Variants in FUT6 observed in about 807,000 individuals in gnomAD.
The protein encoded by FUT6 is 4-galactosyl-N-acetylglucosaminide 3-alpha-L-fucosyltransferase FUT6.
For synonymous variants in FUT6, 187 were observed against 209.9 expected (o/e 0.89, Z 0.94); for missense variants, 454 against 494.6 (o/e 0.92, Z 0.78).
At chr19:5,833,144 G>A (rs946658406) in intron 2 of FUT6, among the ~76,000 whole-genome samples, 3 of 152,192 alleles carry the variant, frequency 2.0e-5, no homozygotes, top group Non-Finnish European at 2.9e-5. Context: ...AAGTACTCAG[G>A]GCTGCCAGTG....
At chr19:5,833,224 C>T (rs536149354) in intron 2 of FUT6, among the ~76,000 whole-genome samples, 9 of 152,292 alleles carry the variant, frequency 5.9e-5, no homozygotes, top group East Asian at 1.9e-4. Flanking sequence ...CAGCCATGCG[C>T]GGTGGTTCAT....
intron 1 of FUT6, among the ~76,000 whole-genome samples, chr19:5,836,172 CT>C (rs1409893648): frequency 6.6e-6 from 1 of 151,624 alleles, no homozygotes; most frequent in East Asian, 1.9e-4. Context: ...GAGATTACAT[CT>C]GTGAGCCACT....
rs1357094733 is a variant in FUT6, at chr19:5,834,985, C to A, written c.-48G>T. ...TCCCTGGACACTGCTGCGTCTGACA[C>A]CTTCTGGGAGATGCTAGAGGGACTC... On this transcript the variant is annotated 5_prime_UTR_variant, in exon 2 of 3. Coordinates refer to ENST00000318336, the MANE Select transcript of FUT6 (RefSeq NM_000150.4). The A allele has an allele frequency of 6.6e-6, 1 of 152,234 alleles. No homozygotes were observed. Among genetic ancestry groups the A allele is most frequent in the African/African-American group, 2.4e-5 (1 of 41,414 alleles). The allele number at this position is 152,234 out of a possible 1,614,324, so 9.4% of individuals were successfully genotyped here.
chr19:5,832,613 G>A lies in FUT6; in HGVS notation c.-12-34C>T, dbSNP rs1170351398. The A allele has an allele frequency of 2.7e-6, 4 of 1,475,286 alleles. No individual in the cohort carries two copies. The highest frequency in any genetic ancestry group is 3.8e-6 in the Non-Finnish European group (4 of 1,054,712). 91.4% of individuals were successfully genotyped at this position (1,475,286 alleles called of 1,614,324 possible). On this transcript the variant is annotated intron_variant, in intron 2 of 2. Coordinates refer to ENST00000318336, the MANE Select transcript of FUT6 (RefSeq NM_000150.4). The surrounding 1 kb of genome is among the most constrained non-coding windows in gnomAD (Gnocchi z 4.3). ...TGGGGAGAGAGGAGTGAGGGTCATT[G>A]ATGACAATCTCCTGCTTACCAAAGC... is the stretch of plus-strand genomic sequence containing the variant.
chr19:5,832,121 G>A lies in FUT6; in HGVS notation c.447C>T (p.Asp149=), dbSNP rs750684382. 8.1e-6 allele frequency: 13 copies of A among 1,613,836 alleles called. No homozygotes were observed. The highest frequency in any genetic ancestry group is 4.0e-5 in the African/African-American group (3 of 74,938). ...PSHCWQLKAM[D]GYFNLTMSYR... ...AGGACATGGTGAGATTGAAGTATCCGTCCATGGCTTTCAGCTGCCAGCAGT... is the reference window on the plus strand; with the variant it reads ...AGGACATGGTGAGATTGAAGTATCCATCCATGGCTTTCAGCTGCCAGCAGT... Residue 149 remains aspartate (D), a synonymous_variant, in exon 3 of 3, where the codon GAC becomes GAT. Coordinates refer to ENST00000318336, the MANE Select transcript of FUT6 (RefSeq NM_000150.4). This position sits in a 1 kb window ranked among gnomAD's most constrained non-coding sequence, Gnocchi z 4.3.
At position 5,831,858 on chromosome 19, in the gene FUT6, A is replaced by C. The variant is rs772693918; in HGVS notation, c.710T>G (p.Leu237Arg). Residue 237 changes from leucine to arginine, a missense_variant, in exon 3 of 3, where the codon CTG becomes CGG. Physicochemically the swap from Leu to Arg is moderately radical, Grantham distance 102. Coordinates refer to ENST00000318336, the MANE Select transcript of FUT6 (RefSeq NM_000150.4). This position sits in a 1 kb window ranked among gnomAD's most constrained non-coding sequence, Gnocchi z 7.0. ...PLPQGTMMET[L>R]SRYKFYLAFE... is the part of the protein sequence containing the mutation. The stretch of plus-strand genomic sequence containing the variant: ...GGCCAGATAGAACTTGTACCGGGAC[A>C]GCGTCTCCATCATGGTTCCCTGGGG... 1.2e-6 allele frequency: 2 copies of C among 1,613,904 alleles called. No homozygotes were observed. Among genetic ancestry groups the C allele is most frequent in the Non-Finnish European group, 1.7e-6 (2 of 1,179,862 alleles).
At chr19:5,836,814 C>T (rs2057186474) in intron 1 of FUT6, among the ~76,000 whole-genome samples, 1 of 151,832 alleles carries the variant, frequency 6.6e-6, no homozygotes, top group Non-Finnish European at 1.5e-5. Flanking sequence ...TATTGCACTT[C>T]TGCTTAGACA....
rs746991698 is a variant in FUT6 at position 5,831,479 on chromosome 19, A to G, written c.*9T>C. On this transcript the variant is annotated 3_prime_UTR_variant, in exon 3 of 3. Coordinates refer to ENST00000318336, the MANE Select transcript of FUT6 (RefSeq NM_000150.4). This position sits in a 1 kb window ranked among gnomAD's most constrained non-coding sequence, Gnocchi z 7.0. ...AGGTTCCTGGCAGCCCAGGCCCCAC[A>G]CCAGCCTCTCAGGTGAACCAAGCCG... 6.2e-7 allele frequency: 1 copy of G among 1,612,232 alleles called. No individual in the cohort carries two copies. The highest frequency in any genetic ancestry group is 8.5e-7 in the Non-Finnish European group (1 of 1,179,526).
rs2057223729 is a variant in FUT6, at chr19:5,839,535, A to G, written c.-999T>C. ...TTACCATGTCGATACATGTTTTCAG[A>G]TGCTCTCTTCTGGTAGGCTGGGCAC... On this transcript the variant is annotated 5_prime_UTR_variant, in exon 1 of 3. Transcript: ENST00000318336. 1 of 152,124 alleles carries G rather than the reference A, an allele frequency of 6.6e-6. No individual in the cohort carries two copies. Among genetic ancestry groups the G allele is most frequent in the African/African-American group, 2.4e-5 (1 of 41,370 alleles). 9.4% of individuals were successfully genotyped at this position (152,124 alleles called of 1,614,324 possible). A position where few individuals can be genotyped will look rare whatever the true frequency, so the allele number is the denominator to read the frequency against.
In FUT6 at chr19:5,832,492, TCAGCAGCTGAAA is replaced by T; in HGVS notation, c.64_75del (p.Phe22_Leu25del). The T allele has an allele frequency of 6.2e-7, 1 of 1,613,744 alleles. No individual in the cohort carries two copies. The highest frequency in any genetic ancestry group is 8.5e-7 in the Non-Finnish European group (1 of 1,179,982). ...AGATAGGAGAAGAAACACACAGCCA[TCAGCAGCTGAAA>T]CAGCAGCGTGGTCAGACAGCAGCGC... On this transcript the variant is annotated inframe_deletion, in exon 3 of 3. Transcript: ENST00000318336. This position sits in a 1 kb window ranked among gnomAD's most constrained non-coding sequence, Gnocchi z 4.3.
Position 5,832,480 on chromosome 19 carries a change from AAC to A in FUT6, c.86_87del (p.Cys29PhefsTer17). ...TLLFQLLMAVCFFSYLRVSQD... is the reference protein window; with the variant it reads ...TLLFQLLMAVXFFSYLRVSQD... ...TGAGACACACGCAGATAGGAGAAGA[AAC>A]ACACAGCCATCAGCAGCTGAAACAG... On this transcript the variant is annotated frameshift_variant, in exon 3 of 3. Coordinates refer to ENST00000318336, the MANE Select transcript of FUT6 (RefSeq NM_000150.4). LOFTEE classifies it low-confidence loss of function (END_TRUNC). The surrounding 1 kb of genome is among the most constrained non-coding windows in gnomAD (Gnocchi z 4.3). 1.2e-6 allele frequency: 2 copies of A among 1,613,756 alleles called. No individual in the cohort carries two copies. Among genetic ancestry groups the A allele is most frequent in the South Asian group, 1.1e-5 (1 of 91,058 alleles).
Position 5,835,068 on chromosome 19 carries a change from G to GC in FUT6, c.-132dup. 6.6e-6 allele frequency: 1 copy of GC among 152,304 alleles called. No individual in the cohort carries two copies. Among genetic ancestry groups the GC allele is most frequent in the South Asian group, 2.1e-4 (1 of 4,800 alleles). 9.4% of individuals were successfully genotyped at this position (152,304 alleles called of 1,614,324 possible). A position where few individuals can be genotyped will look rare whatever the true frequency, so the allele number is the denominator to read the frequency against. On this transcript the variant is annotated 5_prime_UTR_variant, in exon 2 of 3. Coordinates refer to ENST00000318336, the MANE Select transcript of FUT6 (RefSeq NM_000150.4). Reference sequence around the variant, plus strand: ...AGGATGCACTGGATCCCGTCTGGATGCCCGTGACACTGCAAAAAGCCAGAG... The same window carrying GC: ...AGGATGCACTGGATCCCGTCTGGATGCCCCGTGACACTGCAAAAAGCCAGAG...
At position 5,832,239 on chromosome 19, in the gene FUT6, C is replaced by T. The variant is rs72486354; in HGVS notation, c.329G>A (p.Arg110Gln). 5.9e-5 allele frequency: 95 copies of T among 1,613,956 alleles called. No individual in the cohort carries two copies. The East Asian group carries it at 1.5e-3, about 25-fold the overall frequency. The change falls in exon 3 of 3, where the codon CGA (arginine) becomes CAA (glutamine). Residue 110 changes from arginine to glutamine, a missense_variant. Arg to Gln is a conservative substitution (Grantham distance 43, BLOSUM62 1). Transcript: ENST00000318336. The surrounding 1 kb of genome is among the most constrained non-coding windows in gnomAD (Gnocchi z 4.3). ...GGCACTGGGGTTGTACATGACCTCT[C>T]GGTGGTGCACGATGACCGCGTCTGC... ...PQADAVIVHH[R>Q]EVMYNPSAQL...
In FUT6 at chr19:5,832,406, T is replaced by C. The variant is rs760789705; in HGVS notation, c.162A>G (p.Thr54=). Residue 54 remains threonine, a synonymous_variant, in exon 3 of 3, where the codon ACA becomes ACG. Transcript: ENST00000318336. This position sits in a 1 kb window ranked among gnomAD's most constrained non-coding sequence, Gnocchi z 4.3. ...YPNGSRFPDS[T]GTPAHSIPLI... Reference sequence around the variant, plus strand: ...GGGGGATGGAGTGGGCGGGGGTCCCTGTGCTGTCTGGGAAGCGGGACCCAT... The same window carrying C: ...GGGGGATGGAGTGGGCGGGGGTCCCCGTGCTGTCTGGGAAGCGGGACCCAT... The C allele has an allele frequency of 2.5e-6, 4 of 1,613,900 alleles. No homozygotes were observed. The South Asian group carries it at 4.4e-5, about 18-fold the overall frequency.
chr19:5,831,284 C>T lies in FUT6; in HGVS notation c.*204G>A, dbSNP rs1599644359. The stretch of plus-strand genomic sequence containing the variant: ...GGACATACCTGGCCACCGAAGACTC[C>T]AGCAGGTGAGGCCCCAGGAAAGTGA... On this transcript the variant is annotated 3_prime_UTR_variant, in exon 3 of 3. Transcript: ENST00000318336. The surrounding 1 kb of genome is among the most constrained non-coding windows in gnomAD (Gnocchi z 7.0). 7.5e-6 allele frequency: 9 copies of T among 1,203,288 alleles called. No individual in the cohort carries two copies. In the East Asian group the frequency reaches 1.6e-4, roughly 22 times the overall value. 74.5% of individuals were successfully genotyped at this position (1,203,288 alleles called of 1,614,324 possible). A position where few individuals can be genotyped will look rare whatever the true frequency, so the allele number is the denominator to read the frequency against.
At position 5,832,373 on chromosome 19, in the gene FUT6, C is replaced by T. The variant is rs749725514; in HGVS notation, c.195G>A (p.Leu65=). The T allele has an allele frequency of 6.2e-7, 1 of 1,614,084 alleles. No individual in the cohort carries two copies. The highest frequency in any genetic ancestry group is 8.5e-7 in the Non-Finnish European group (1 of 1,180,020). Residue 65 remains leucine, a synonymous_variant, in exon 3 of 3, where the codon CTG becomes CTA. Transcript: ENST00000318336. This position sits in a 1 kb window ranked among gnomAD's most constrained non-coding sequence, Gnocchi z 4.3. The part of the protein sequence containing the change: ...GTPAHSIPLI[L]LWTWPFNKPI... Reference sequence around the variant, plus strand: ...GTTTGTTAAAAGGCCACGTCCACAGCAGGATCAGGGGGATGGAGTGGGCGG... The same window carrying T: ...GTTTGTTAAAAGGCCACGTCCACAGTAGGATCAGGGGGATGGAGTGGGCGG...
Position 5,832,830 on chromosome 19 carries a change from G to T in FUT6, c.-12-251C>A. The T allele has an allele frequency of 3.7e-6, 2 of 534,894 alleles. No homozygotes were observed. The highest frequency in any genetic ancestry group is 6.7e-6 in the Non-Finnish European group (2 of 297,638). 33.1% of individuals were successfully genotyped at this position (534,894 alleles called of 1,614,324 possible). A position where few individuals can be genotyped will look rare whatever the true frequency, so the allele number is the denominator to read the frequency against. On this transcript the variant is annotated intron_variant, in intron 2 of 2. Coordinates refer to ENST00000318336, the MANE Select transcript of FUT6 (RefSeq NM_000150.4). This position sits in a 1 kb window ranked among gnomAD's most constrained non-coding sequence, Gnocchi z 4.3. ...ATGGGCAAGGGTCCCTGGGGAAGTT[G>T]GGAGAGGCCCCAAGGGCCCTCAGGT... is the stretch of plus-strand genomic sequence containing the variant.
In FUT6 at chr19:5,831,574, A is replaced by G. The variant is rs1253347192; in HGVS notation, c.994T>C (p.Trp332Arg). 6.2e-7 allele frequency: 1 copy of G among 1,614,030 alleles called. No homozygotes were observed. The highest frequency in any genetic ancestry group is 8.5e-7 in the Non-Finnish European group (1 of 1,180,024). ...RETLRPRSFS[W>R]ALAFCKACWK... The stretch of plus-strand genomic sequence containing the variant: ...CAGGCCTTGCAGAAAGCGAGTGCCC[A>G]GCTGAAGGAGCGAGGCCGCAGCGTC... The change falls in exon 3 of 3, where the codon TGG becomes CGG. Residue 332 changes from tryptophan (W) to arginine (R), a missense_variant. Physicochemically the swap from Trp to Arg is moderately radical, Grantham distance 101. Transcript: ENST00000318336. This position sits in a 1 kb window ranked among gnomAD's most constrained non-coding sequence, Gnocchi z 7.0.
intron 1 of FUT6, among the ~76,000 whole-genome samples, chr19:5,837,280 C>T (rs953182145): frequency 6.6e-6 from 1 of 151,508 alleles, no homozygotes; most frequent in Non-Finnish European, 1.5e-5. Context: ...TCAATTGACC[C>T]GCCCACCTCA....
Sources: gnomAD v4.1 joint callset for allele counts (sites outside exome capture counted in the v4.1 genomes callset) on GRCh38, gnomAD v4.1.1 for gene constraint, Gnocchi (gnomAD v3.1) non-coding constraint, MANE v1.5 for transcripts, NCBI Gene and HGNC (gene_info 2026-07-23, HGNC 2026-07-21) for gene names.